KAZN: variants seen among roughly 807,000 people sequenced by gnomAD.
KAZN encodes the protein kazrin.
In KAZN, 40 loss-of-function variants were observed where a neutral mutation model predicts 87.4. That is an observed-to-expected ratio of 0.46 (90% CI 0.36 to 0.60). The LOEUF (loss-of-function observed/expected upper bound fraction) is 0.60, where lower values mean the gene tolerates loss of function less well. Ranked by LOEUF, KAZN falls within the 20% of genes least tolerant of loss-of-function variation. The pLI is 0.00. For synonymous variants in KAZN, 466 were observed against 458.3 expected, an observed-to-expected ratio of 1.02 and a Z score of -0.22; for missense variants, 898 against 1,073.9, an observed-to-expected ratio of 0.84 and a Z score of 2.29.
At chr1:14,025,061 C>T (rs1347650396) in intron 1 of KAZN, among the ~76,000 whole-genome samples, 1 of 152,200 alleles carries the variant, frequency 6.6e-6, no homozygotes, top group East Asian at 1.9e-4. Flanking sequence ...AACAATTTCC[C>T]TGTCCTTCCA....
intron 1 of KAZN, among the ~76,000 whole-genome samples, chr1:13,903,181 C>T (rs902527034): frequency 1.3e-5 from 2 of 152,226 alleles, no homozygotes; most frequent in African/African-American, 4.8e-5. Flanking sequence ...TTCCCAGCCA[C>T]CCATCTCTCT....
intron 2 of KAZN, among the ~76,000 whole-genome samples, chr1:14,418,798 C>T (rs1319883070): frequency 2.0e-5 from 3 of 152,188 alleles, no homozygotes; most frequent in Non-Finnish European, 2.9e-5. Flanking sequence ...TCATGAAATT[C>T]GCCTACAGAG....
chr1:14,764,126 C>T (rs1412169982), intron 1 of KAZN, among the ~76,000 whole-genome samples: 3 of 152,140 alleles, frequency 2.0e-5, no homozygotes, highest in Admixed American at 1.3e-4. Flanking sequence ...TGATGGTTCT[C>T]ATTTACAATT....
intron 2 of KAZN, among the ~76,000 whole-genome samples, chr1:14,329,010 T>C (rs1656654380): frequency 6.6e-6 from 1 of 152,152 alleles, no homozygotes. Flanking sequence ...CAACTCAAAC[T>C]ACCTTAACCA....
intron 1 of KAZN, among the ~76,000 whole-genome samples, chr1:14,860,376 GA>G (rs1270305673): frequency 6.6e-6 from 1 of 152,056 alleles, no homozygotes; most frequent in Non-Finnish European, 1.5e-5. Flanking sequence ...ATTTTTAGTA[GA>G]GATGGGGTTT....
intron 1 of KAZN, among the ~76,000 whole-genome samples, chr1:14,626,715 A>G (rs1572078634): frequency 6.6e-6 from 1 of 151,848 alleles, no homozygotes; most frequent in African/African-American, 2.4e-5. Flanking sequence ...CTCCTGAGGC[A>G]CCTCTGTGCC....
chr1:14,599,191 C>T lies in KAZN; in HGVS notation c.194C>T (p.Thr65Met). The change falls in exon 1 of 15, where the codon ACG becomes ATG. Residue 65 changes from threonine (T) to methionine (M), a missense_variant. Around this residue, in one of 3 missense-constraint regions of KAZN, gnomAD observed 250 missense variants for 263.0 expected, o/e 0.95. Transcript: ENST00000376030. The surrounding 1 kb of genome is among the most constrained non-coding windows in gnomAD (Gnocchi z 4.4). ...SASAAGDSAA[T>M]NMENPQLGAQ... ...TCGGCGGCGGGGGACTCGGCGGCGACGAACATGGAGAACCCCCAGCTTGGA... is the reference window on the plus strand; with the variant it reads ...TCGGCGGCGGGGGACTCGGCGGCGATGAACATGGAGAACCCCCAGCTTGGA... 7.2e-7 allele frequency: 1 copy of T among 1,395,922 alleles called. No homozygotes were observed. 86.5% of individuals were successfully genotyped at this position (1,395,922 alleles called of 1,614,324 possible). A position where few individuals can be genotyped will look rare whatever the true frequency, so the allele number is the denominator to read the frequency against.
intron 8 of KAZN, among the ~76,000 whole-genome samples, chr1:15,074,882 T>C (rs1239887326): frequency 6.6e-6 from 1 of 152,116 alleles, no homozygotes; most frequent in Non-Finnish European, 1.5e-5. Flanking sequence ...AACAGGCCAA[T>C]ATGTATACAA....
chr1:14,446,947 C>G (rs957092718), intron 2 of KAZN, among the ~76,000 whole-genome samples: 1 of 152,020 alleles, frequency 6.6e-6, no homozygotes, highest in Non-Finnish European at 1.5e-5. Context: ...GGCACATGTA[C>G]AGGTTTGTTA....
intron 1 of KAZN, among the ~76,000 whole-genome samples, chr1:14,854,014 A>G (rs190168311): frequency 6.6e-6 from 1 of 152,270 alleles, no homozygotes; most frequent in Admixed American, 6.5e-5. Context: ...GGCAGGGACA[A>G]TGTACATGGC....
intron 1 of KAZN, among the ~76,000 whole-genome samples, chr1:14,146,875 G>T (rs1199732088): frequency 6.6e-6 from 1 of 151,874 alleles, no homozygotes; most frequent in Non-Finnish European, 1.5e-5. Context: ...TGGGAGATAT[G>T]GTTGATCCTT....
At chr1:14,870,543 G>A (rs1652022382) in intron 1 of KAZN, among the ~76,000 whole-genome samples, 2 of 152,152 alleles carry the variant, frequency 1.3e-5, no homozygotes, top group South Asian at 4.1e-4. Flanking sequence ...GTTTCTCCAT[G>A]TTGGCCAGGC....
chr1:14,002,903 C>G (rs1044993340), intron 1 of KAZN, among the ~76,000 whole-genome samples: 3 of 152,138 alleles, frequency 2.0e-5, no homozygotes, highest in Non-Finnish European at 4.4e-5. Context: ...GACACACGCA[C>G]ACGTATGTCT....
At chr1:14,003,296 C>T (rs1026521854) in intron 1 of KAZN, among the ~76,000 whole-genome samples, 7 of 148,144 alleles carry the variant, frequency 4.7e-5, no homozygotes, top group Non-Finnish European at 7.4e-5. Context: ...CAAACCTACA[C>T]GTTCTGCATA....
chr1:14,102,914 CTT>C (rs61116986), intron 1 of KAZN, among the ~76,000 whole-genome samples: 20 of 146,152 alleles, frequency 1.4e-4, no homozygotes, highest in Non-Finnish European at 1.5e-4. Context: ...TAATCTCTCT[CTT>C]TTTTTTTTTT....
At chr1:14,572,905 G>A (rs1031155047) in intron 2 of KAZN, among the ~76,000 whole-genome samples, 6 of 152,130 alleles carry the variant, frequency 3.9e-5, no homozygotes, top group Admixed American at 3.9e-4. Flanking sequence ...TATATACCTA[G>A]CACTCTTCTG....
chr1:14,880,598 A>C (rs865840602), intron 1 of KAZN, among the ~76,000 whole-genome samples: 41 of 152,202 alleles, frequency 2.7e-4, no homozygotes, highest in African/African-American at 7.2e-4. Context: ...CACCGGACCC[A>C]GAGGCTCCTG....
At chr1:14,531,198 C>T (rs1029782607) in intron 2 of KAZN, among the ~76,000 whole-genome samples, 3 of 152,196 alleles carry the variant, frequency 2.0e-5, no homozygotes, top group African/African-American at 7.2e-5. Context: ...GAGCCCAAGA[C>T]TCAGCTGTGC....
intron 1 of KAZN, among the ~76,000 whole-genome samples, chr1:13,994,538 G>A (rs373704928): frequency 6.6e-6 from 1 of 152,324 alleles, no homozygotes; most frequent in South Asian, 2.1e-4. Flanking sequence ...AACATGCTTG[G>A]AGCTGGGCAC....
Sources: gnomAD v4.1 joint callset for allele counts (sites outside exome capture counted in the v4.1 genomes callset) on GRCh38, gnomAD v4.1.1 for gene constraint, gnomAD v4.1.1 regional missense constraint, Gnocchi (gnomAD v3.1) non-coding constraint, MANE v1.5 for transcripts, NCBI Gene and HGNC (gene_info 2026-07-23, HGNC 2026-07-21) for gene names.